Variants in SEC23IP observed in about 807,000 individuals in gnomAD.
SEC23IP encodes the protein SEC23 interacting protein, also known as SEC23-interacting protein.
Under a neutral mutation model 113.4 loss-of-function variants are expected in SEC23IP, and 70 were observed. The ratio of observed to expected loss-of-function variants is 0.62; its 90% CI spans 0.51 to 0.75. SEC23IP has a LOEUF of 0.75. Ranked by LOEUF, SEC23IP falls within the 30% of genes least tolerant of loss-of-function variation. The pLI is 0.00. For synonymous variants in SEC23IP, 398 were observed against 421.0 expected (o/e 0.95, Z 0.67); for missense variants, 1,160 against 1,204.9 (o/e 0.96, Z 0.55).
At chr10:119,924,113 A>G (rs1855339759) in intron 12 of SEC23IP, among the ~76,000 whole-genome samples, 1 of 152,246 alleles carries the variant, frequency 6.6e-6, no homozygotes, top group Admixed American at 6.5e-5. Flanking sequence ...CTTCTAAAAC[A>G]TTAACGGTGG....
chr10:119,918,126 CAAAATTAAGAATT>C (rs1459834951), intron 9 of SEC23IP, 82 bp downstream of exon 9: 8 of 1,117,442 alleles, frequency 7.2e-6, no homozygotes, highest in Non-Finnish European at 1.0e-5. Flanking sequence ...ATTGTTAGTG[CAAAATTAAGAATT>C]ACAGATTTTA....
At chr10:119,918,320 T>C (rs1278932490) in intron 9 of SEC23IP, 73 bp from the exon 10 acceptor site, 2 of 904,906 alleles carry the variant, frequency 2.2e-6, no homozygotes, top group Admixed American at 2.1e-5. Context: ...CTTTTGACTA[T>C]AGACAGTGAA....
At chr10:119,938,437 C>G (rs1049929259) in intron 18 of SEC23IP, among the ~76,000 whole-genome samples, 6 of 152,266 alleles carry the variant, frequency 3.9e-5, no homozygotes, top group Middle Eastern at 3.4e-3. Flanking sequence ...GCTTTTATCC[C>G]TCATTGAGAC....
chr10:119,926,116 C>T lies in SEC23IP; in HGVS notation c.2202C>T (p.Asp734=), dbSNP rs777891665. ...GQEQSAQKTK[D]MASLPSESNE... ...AGCAAAGTGCCCAGAAGACTAAAGA[C>T]ATGGCTTCCCTCCCCTCAGAATCCA... The change falls in exon 13 of 19, where the codon GAC becomes GAT. Residue 734 remains aspartate (D), a synonymous_variant. Coordinates refer to ENST00000369075, the MANE Select transcript of SEC23IP (RefSeq NM_007190.4). 1.1e-5 allele frequency: 18 copies of T among 1,614,038 alleles called. No individual in the cohort carries two copies. The highest frequency in any genetic ancestry group is 1.4e-5 in the Non-Finnish European group (16 of 1,180,010).
chr10:119,929,719 A>G lies in SEC23IP; in HGVS notation c.2426A>G (p.Tyr809Cys). 6.2e-7 allele frequency: 1 copy of G among 1,602,370 alleles called. No homozygotes were observed. The change falls in exon 14 of 19, where the codon TAC (tyrosine) becomes TGC (cysteine). Residue 809 changes from tyrosine (Y) to cysteine (C), a missense_variant. Coordinates refer to ENST00000369075, the MANE Select transcript of SEC23IP (RefSeq NM_007190.4). Reference sequence around the variant, plus strand: ...GGAGTTGATAGGATAGATGAGAATTACAGCCTTCCTACCTGTAAAGGGTTC... The same window carrying G: ...GGAGTTGATAGGATAGATGAGAATTGCAGCCTTCCTACCTGTAAAGGGTTC... ...IRGVDRIDEN[Y>C]SLPTCKGFFN...
intron 2 of SEC23IP, among the ~76,000 whole-genome samples, chr10:119,900,678 C>G (rs1298826627): frequency 6.6e-6 from 1 of 152,064 alleles, no homozygotes; most frequent in Non-Finnish European, 1.5e-5. Flanking sequence ...CCTGCAGTCT[C>G]AAACTCCTGG....
intron 7 of SEC23IP, 96 bp from the exon 8 acceptor site, chr10:119,915,652 G>A: frequency 1.2e-6 from 1 of 849,776 alleles, no homozygotes; most frequent in Middle Eastern, 2.9e-4. Flanking sequence ...GTATCTTTAT[G>A]TTATTAAAAA....
intron 1 of SEC23IP, among the ~76,000 whole-genome samples, chr10:119,896,039 T>C (rs1192017460): frequency 6.6e-6 from 1 of 152,144 alleles, no homozygotes; most frequent in East Asian, 1.9e-4. Flanking sequence ...TGGAATAAGG[T>C]TGACTGTAGC....
rs781412500 is a variant in SEC23IP, at chr10:119,904,152, C to T, written c.976C>T (p.Arg326Ter). Reference protein sequence around the residue: ...GGRYDVYLYDRIRKAAYWEEE... With the variant: ...GGRYDVYLYD ...GCGCTACGATGTTTACCTCTATGAC[C>T]GAATAAGGAAGGCTGCCTACTGGGA... is the stretch of plus-strand genomic sequence containing the variant. Residue 326 changes from arginine (R) to a stop codon, truncating the protein, a stop_gained, in exon 4 of 19, where the codon CGA becomes TGA. Transcript: ENST00000369075. LOFTEE classifies it high-confidence loss of function. 6.8e-6 allele frequency: 11 copies of T among 1,614,030 alleles called. No individual in the cohort carries two copies. Among genetic ancestry groups the T allele is most frequent in the South Asian group, 1.1e-5 (1 of 91,078 alleles).
intron 8 of SEC23IP, 59 bp from the exon 9 acceptor site, chr10:119,917,771 TTAAAAA>T (rs1269383301): frequency 9.3e-6 from 12 of 1,296,380 alleles, no homozygotes; most frequent in Non-Finnish European, 1.3e-5. Context: ...AATCTAAACT[TTAAAAA>T]AATCTGTAAA....
intron 6 of SEC23IP, 116 bp from the exon 7 acceptor site, chr10:119,914,614 G>A: frequency 2.5e-6 from 2 of 798,474 alleles, no homozygotes; most frequent in Non-Finnish European, 4.3e-6. Context: ...TCTTTGAAGG[G>A]TCATGAATTT....
chr10:119,927,004 T>C (rs1369975057), intron 13 of SEC23IP, among the ~76,000 whole-genome samples: 1 of 152,138 alleles, frequency 6.6e-6, no homozygotes, highest in Non-Finnish European at 1.5e-5. Context: ...GTTTAAGGGA[T>C]ACCTCCTACC....
Position 119,920,986 on chromosome 10 carries a change from T to TA in SEC23IP, c.2121+5dup, listed in dbSNP as rs1855234875. 1 of 1,606,222 alleles carries TA rather than the reference T, an allele frequency of 6.2e-7. No homozygotes were observed. ...GTAGAACATAAAGCAGCCAAACTGG[T>TA]AAAGTTCACCTCTGACTCAAGAAAA... On this transcript the variant is annotated splice_region_variant and intron_variant, in intron 12 of 18. Transcript: ENST00000369075.
chr10:119,915,456 T>A (rs1243798288), intron 7 of SEC23IP, among the ~76,000 whole-genome samples: 1 of 152,112 alleles, frequency 6.6e-6, no homozygotes, highest in Non-Finnish European at 1.5e-5. Context: ...GCCGGCAGTG[T>A]GATTCCAGAG....
At chr10:119,911,328 G>T (rs532508177) in intron 5 of SEC23IP, among the ~76,000 whole-genome samples, 1 of 148,256 alleles carries the variant, frequency 6.7e-6, no homozygotes, top group East Asian at 2.0e-4. Flanking sequence ...CTCTAACTTT[G>T]TTGCCCAGGC....
intron 11 of SEC23IP, among the ~76,000 whole-genome samples, chr10:119,920,537 CA>C (rs1413061151): frequency 6.6e-6 from 1 of 152,206 alleles, no homozygotes; most frequent in African/African-American, 2.4e-5. Flanking sequence ...GCTATGCATA[CA>C]TAAGACATCG....
chr10:119,898,384 A>G, intron 1 of SEC23IP, 43 bp from the exon 2 acceptor site: 1 of 1,558,894 alleles, frequency 6.4e-7, no homozygotes, highest in Non-Finnish European at 8.7e-7. Context: ...CTGCGGAGTG[A>G]TAGAGTACCC....
At chr10:119,932,512 G>GT (rs1349341649) in intron 16 of SEC23IP, among the ~76,000 whole-genome samples, 194 bp downstream of exon 16, 1 of 152,054 alleles carries the variant, frequency 6.6e-6, no homozygotes, top group Non-Finnish European at 1.5e-5. Flanking sequence ...TTTTTAGTGG[G>GT]TTTTTATCTG....
At chr10:119,893,869 T>C (rs1428728937) in intron 1 of SEC23IP, among the ~76,000 whole-genome samples, 1 of 152,230 alleles carries the variant, frequency 6.6e-6, no homozygotes, top group Non-Finnish European at 1.5e-5. Flanking sequence ...TTTCTTGTTC[T>C]CTTAGGCCCC....
Sources: gnomAD v4.1 joint callset for allele counts (sites outside exome capture counted in the v4.1 genomes callset) on GRCh38, gnomAD v4.1.1 for gene constraint, MANE v1.5 for transcripts, NCBI Gene and HGNC (gene_info 2026-07-23, HGNC 2026-07-21) for gene names.